The following CYB5R4 variants were observed in gnomAD, a reference collection of about 807,000 sequenced individuals.
CYB5R4 encodes the protein N-terminal cytochrome b5 and cytochrome b5 oxidoreductase domain-containing protein.
A neutral mutation model predicts 70.2 loss-of-function variants in CYB5R4; 55 were observed. That is an observed-to-expected ratio of 0.78 (90% CI 0.63 to 0.98). The LOEUF (loss-of-function observed/expected upper bound fraction) is 0.98, where lower values mean the gene tolerates loss of function less well. CYB5R4 is among the 50% of genes least tolerant of loss of function. The probability of loss-of-function intolerance (pLI) is 0.00; values close to 1 mark genes in which losing one functional copy is unlikely to be tolerated. For synonymous variants in CYB5R4, 197 were observed against 199.5 expected (o/e 0.99, Z 0.11); for missense variants, 562 against 612.6 (o/e 0.92, Z 0.87).
chr6:83,916,297 C>A lies in CYB5R4; in HGVS notation c.446-1708C>A, dbSNP rs1030132525. Among the ~76,000 whole-genome samples the A allele has an allele frequency of 5.3e-5, 8 of 151,680 alleles. No homozygotes were observed. In the South Asian group the frequency reaches 6.2e-4, roughly 12 times the overall value. On this transcript the variant is annotated intron_variant, in intron 5 of 15. Transcript: ENST00000369681. ...ATAGATTTTCTGGTCCTAATTAGGT[C>A]ATACAAGATCAATGTTGACTTACAA... is the stretch of plus-strand genomic sequence containing the variant.
intron 1 of CYB5R4, among the ~76,000 whole-genome samples, chr6:83,862,453 A>T (rs79470742): frequency 5.5e-4 from 84 of 152,354 alleles, no homozygotes; most frequent in East Asian, 5.2e-3. Context: ...GGATCAGAGA[A>T]GCCTTCCAGA....
In CYB5R4 at chr6:83,864,301, A is replaced by G; in HGVS notation, c.202A>G (p.Lys68Glu). 1 of 1,612,752 alleles carries G rather than the reference A, an allele frequency of 6.2e-7. No homozygotes were observed. The highest frequency in any genetic ancestry group is 8.5e-7 in the Non-Finnish European group (1 of 1,179,440). ...TEEELKKHNK[K>E]DDCWICIRGF... Reference sequence around the variant, plus strand: ...AGAAGAACTTAAGAAACACAACAAAAAAGATGATTGTTGGATATGCATAAG... The same window carrying G: ...AGAAGAACTTAAGAAACACAACAAAGAAGATGATTGTTGGATATGCATAAG... Residue 68 changes from lysine (K) to glutamate (E), a missense_variant, in exon 2 of 16, where the codon AAA (lysine) becomes GAA (glutamate). Lys to Glu is a moderately conservative substitution (Grantham distance 56). Coordinates refer to ENST00000369681, the MANE Select transcript of CYB5R4 (RefSeq NM_016230.4).
chr6:83,893,713 C>T lies in CYB5R4; in HGVS notation c.330+91C>T, dbSNP rs770933127. 2.6e-4 allele frequency: 187 copies of T among 710,892 alleles called. 1 individual carries two copies. Among genetic ancestry groups the T allele is most frequent in the Non-Finnish European group, 4.4e-5 (19 of 434,094 alleles). The allele number at this position is 710,892 out of a possible 1,614,324, so 44.0% of individuals were successfully genotyped here. A position where few individuals can be genotyped will look rare whatever the true frequency, so the allele number is the denominator to read the frequency against. ...TTTGTAGAAAGAAAGGAAATAGTTG[C>T]ATAAATTCCAGATGCATTGGCTTGA... On this transcript the variant is annotated intron_variant, in intron 3 of 15. Coordinates refer to ENST00000369681, the MANE Select transcript of CYB5R4 (RefSeq NM_016230.4).
At chr6:83,940,480 ATTAG>A (rs775988431) in intron 13 of CYB5R4, 31 bp from the exon 14 acceptor site, 1 of 1,519,448 alleles carries the variant, frequency 6.6e-7, no homozygotes, top group Non-Finnish European at 8.8e-7. Flanking sequence ...AATGTAATTA[ATTAG>A]TTATTTCTGA....
At chr6:83,903,584 G>T (rs1050894885) in intron 3 of CYB5R4, among the ~76,000 whole-genome samples, 7 of 151,966 alleles carry the variant, frequency 4.6e-5, no homozygotes, top group African/African-American at 1.7e-4. Flanking sequence ...CAATTTTTTG[G>T]AATAATTTGA....
chr6:83,961,026 G>A lies in CYB5R4; in HGVS notation c.*1148G>A, dbSNP rs1031757909. On this transcript the variant is annotated 3_prime_UTR_variant, in exon 16 of 16. Transcript: ENST00000369681. ...TTCACAGAAATAGGGGATTGAAAGA[G>A]TCTCCAATTTCTCTGTAAATGATTT... The A allele has an allele frequency of 6.6e-6, 1 of 152,214 alleles. No individual in the cohort carries two copies. Among genetic ancestry groups the A allele is most frequent in the East Asian group, 1.9e-4 (1 of 5,196 alleles). The allele number at this position is 152,214 out of a possible 1,614,324, so 9.4% of individuals were successfully genotyped here. A position where few individuals can be genotyped will look rare whatever the true frequency, so the allele number is the denominator to read the frequency against.
chr6:83,873,586 G>C (rs190596756), intron 2 of CYB5R4, among the ~76,000 whole-genome samples: 1 of 151,938 alleles, frequency 6.6e-6, no homozygotes, highest in African/African-American at 2.4e-5. Flanking sequence ...TTGCTTTTTC[G>C]TATGACTGTG....
At chr6:83,955,749 T>A (rs182761488) in intron 15 of CYB5R4, among the ~76,000 whole-genome samples, 4 of 152,312 alleles carry the variant, frequency 2.6e-5, no homozygotes, top group Admixed American at 1.3e-4. Flanking sequence ...CAATTCTTAT[T>A]TGGGACATTA....
rs1308960799 is a variant in CYB5R4 at position 83,965,980 on chromosome 6, G to A, written c.*6102G>A. ...ATTCTGAGGCCTCCCCAGCCATGTG[G>A]AACTATAAGTCCAATTAAACCTCTT... On this transcript the variant is annotated 3_prime_UTR_variant, in exon 16 of 16. Transcript: ENST00000369681. The A allele has an allele frequency of 6.6e-6, 1 of 152,278 alleles. No individual in the cohort carries two copies. Among genetic ancestry groups the A allele is most frequent in the Non-Finnish European group, 1.5e-5 (1 of 68,138 alleles). 9.4% of individuals were successfully genotyped at this position (152,278 alleles called of 1,614,324 possible).
rs986468588 is a variant in CYB5R4, at chr6:83,962,620, A to G, written c.*2742A>G. ...AGAAATCTAGGCACAATATGGCTCA[A>G]CTGGGTCCTCTGCTTAAAGCCTCAC... On this transcript the variant is annotated 3_prime_UTR_variant, in exon 16 of 16. Transcript: ENST00000369681. 1 of 152,248 alleles carries G rather than the reference A, an allele frequency of 6.6e-6. No homozygotes were observed. The highest frequency in any genetic ancestry group is 2.4e-5 in the African/African-American group (1 of 41,468). The allele number at this position is 152,248 out of a possible 1,614,324, so 9.4% of individuals were successfully genotyped here.
chr6:83,918,091 A>G (rs7773061), intron 6 of CYB5R4, 26 bp downstream of exon 6: 121,050 of 1,558,252 alleles, frequency 0.078, 15,159 homozygotes, highest in African/African-American at 0.52. Flanking sequence ...TAAAATTTTT[A>G]AAGTTAAATC....
In CYB5R4 at chr6:83,966,482, G is replaced by C. The variant is rs941146395; in HGVS notation, c.*6604G>C. On this transcript the variant is annotated 3_prime_UTR_variant, in exon 16 of 16. Coordinates refer to ENST00000369681, the MANE Select transcript of CYB5R4 (RefSeq NM_016230.4). ...CGAGGCGGGTGGATCACCTGAGGTC[G>C]GGAGTTTGAGACCAGCCTGACCAAC... 2.0e-5 allele frequency: 3 copies of C among 151,948 alleles called. No homozygotes were observed. The highest frequency in any genetic ancestry group is 4.8e-5 in the African/African-American group (2 of 41,380). The allele number at this position is 151,948 out of a possible 1,614,324, so 9.4% of individuals were successfully genotyped here.
At chr6:83,879,234 C>T (rs1229985328) in intron 2 of CYB5R4, among the ~76,000 whole-genome samples, 1 of 152,016 alleles carries the variant, frequency 6.6e-6, no homozygotes, top group Non-Finnish European at 1.5e-5. Context: ...GGCAGCTGGA[C>T]TTTGCCTTGT....
intron 6 of CYB5R4, 42 bp from the exon 7 acceptor site, chr6:83,919,355 A>G: frequency 1.9e-6 from 2 of 1,065,948 alleles, no homozygotes; most frequent in Non-Finnish European, 2.8e-6. Context: ...AATGCACATG[A>G]TTGTCAATAT....
rs1054859634 is a variant in CYB5R4 at position 83,961,244 on chromosome 6, T to C, written c.*1366T>C. 2 of 152,174 alleles carry C rather than the reference T, an allele frequency of 1.3e-5. No homozygotes were observed. Among genetic ancestry groups the C allele is most frequent in the African/African-American group, 4.8e-5 (2 of 41,444 alleles). The allele number at this position is 152,174 out of a possible 1,614,324, so 9.4% of individuals were successfully genotyped here. A position where few individuals can be genotyped will look rare whatever the true frequency, so the allele number is the denominator to read the frequency against. On this transcript the variant is annotated 3_prime_UTR_variant, in exon 16 of 16. Coordinates refer to ENST00000369681, the MANE Select transcript of CYB5R4 (RefSeq NM_016230.4). ...TCATCATTATTCACAAAGACAGGAA[T>C]CTAGCTGTCCTGGACTGGTACTGTT...
At chr6:83,952,510 A>G (rs762598037) in intron 14 of CYB5R4, among the ~76,000 whole-genome samples, 4 of 152,146 alleles carry the variant, frequency 2.6e-5, no homozygotes, top group Non-Finnish European at 5.9e-5. Flanking sequence ...AAATCTGGGT[A>G]GTAGGATTGC....
Position 83,872,067 on chromosome 6 carries a change from T to C in CYB5R4, c.229+7739T>C, listed in dbSNP as rs898632499. ...AGATTTTTTTTCTTCAGCATTTGCA[T>C]CCTTATATTTCTAGAGATAGTCTGC... On this transcript the variant is annotated intron_variant, in intron 2 of 15. Transcript: ENST00000369681. Among the ~76,000 whole-genome samples the C allele has an allele frequency of 3.9e-5, 6 of 152,354 alleles. No homozygotes were observed. The South Asian group carries it at 6.2e-4, about 16-fold the overall frequency.
chr6:83,892,690 C>T (rs1588566446), intron 2 of CYB5R4, among the ~76,000 whole-genome samples: 1 of 152,174 alleles, frequency 6.6e-6, no homozygotes, highest in Non-Finnish European at 1.5e-5. Flanking sequence ...GCTTCCTTTT[C>T]ACAGAGCGTG....
chr6:83,869,183 C>T (rs556767058), intron 2 of CYB5R4, among the ~76,000 whole-genome samples: 3 of 152,238 alleles, frequency 2.0e-5, no homozygotes, highest in Admixed American at 2.0e-4. Flanking sequence ...TTTTTTAAAA[C>T]TTGTGAAGTG....
Sources: allele counts gnomAD v4.1 joint callset (sites outside exome capture counted in the v4.1 genomes callset), GRCh38; gene constraint gnomAD v4.1.1; transcripts MANE v1.5; gene names NCBI Gene and HGNC (gene_info 2026-07-23, HGNC 2026-07-21).